The following KLK14 variants were observed in gnomAD, a reference collection of about 807,000 sequenced individuals.
KLK14 encodes kallikrein related peptidase 14.
A neutral mutation model predicts 24.6 loss-of-function variants in KLK14; 21 were observed. The observed-to-expected ratio is 0.85, with a 90% CI of 0.61 to 1.23. KLK14 has a LOEUF of 1.23. KLK14 is among the 50% of genes most tolerant of loss of function. The pLI, the probability that KLK14 is intolerant of heterozygous loss-of-function variation, is 0.00. For missense variants in KLK14, 320 were observed against 338.9 expected, an observed-to-expected ratio of 0.94 and a Z score of 0.44; for synonymous variants, 133 against 139.7, an observed-to-expected ratio of 0.95 and a Z score of 0.34.
Position 51,078,213 on chromosome 19 carries a change from C to A in KLK14, c.604-54G>T, listed in dbSNP as rs2091815600. ...CTGATGGACAGGTAGCCAGAGCCAC[C>A]ATGGCACAGAGAACCCGAGAAGCAG... On this transcript the variant is annotated intron_variant, in intron 5 of 5. Transcript: ENST00000650543. The surrounding 1 kb of genome is among the most constrained non-coding windows in gnomAD (Gnocchi z 5.0). The A allele has an allele frequency of 2.5e-6, 4 of 1,578,858 alleles. No individual in the cohort carries two copies. The highest frequency in any genetic ancestry group is 3.5e-6 in the Non-Finnish European group (4 of 1,158,696).
Position 51,079,673 on chromosome 19 carries a change from T to C in KLK14, c.242A>G (p.Asn81Ser). Reference sequence around the variant, plus strand: ...CTGGGTGGCCTCCCACCTCCTCAGGTTGTGCTTGCCCAGGGCAACCTGAAG... The same window carrying C: ...CTGGGTGGCCTCCCACCTCCTCAGGCTGTGCTTGCCCAGGGCAACCTGAAG... Reference protein sequence around the residue: ...PILQVALGKHNLRRWEATQQV... With the variant: ...PILQVALGKHSLRRWEATQQV... Residue 81 changes from asparagine to serine, a missense_variant, in exon 4 of 6, where the codon AAC (asparagine) becomes AGC (serine). Transcript: ENST00000650543. 6.3e-7 allele frequency: 1 copy of C among 1,576,128 alleles called. No individual in the cohort carries two copies. Among genetic ancestry groups the C allele is most frequent in the Non-Finnish European group, 8.6e-7 (1 of 1,160,634 alleles).
At chr19:51,083,898 C>T (rs147023801), upstream of KLK14, among the ~76,000 whole-genome samples, 3 of 152,002 alleles carry the variant, frequency 2.0e-5, no homozygotes, top group Non-Finnish European at 2.9e-5. Flanking sequence ...GAAGGCAGTG[C>T]GGGCATGAGA....
chr19:51,080,756 C>T (rs1599797716), intron 3 of KLK14, among the ~76,000 whole-genome samples: 1 of 152,304 alleles, frequency 6.6e-6, no homozygotes, highest in African/African-American at 2.4e-5. Context: ...TCACTGCAAC[C>T]TCCGCCTCCC....
intron 3 of KLK14, among the ~76,000 whole-genome samples, chr19:51,080,694 A>G (rs949675316): frequency 6.6e-6 from 1 of 152,070 alleles, no homozygotes; most frequent in African/African-American, 2.4e-5. Context: ...ATTGATTGAT[A>G]TGGAGTTTCG....
rs147546617 is a variant in KLK14, at chr19:51,081,376, C to T, written c.212+156G>A. On this transcript the variant is annotated intron_variant, in intron 3 of 5. Transcript: ENST00000650543. ...GAGATTTATGGAGGAGCCCACATCC[C>T]GAGCTGTGTTTTTGTTCCAGGCTCT... Among the ~76,000 whole-genome samples the T allele has an allele frequency of 4.5e-3, 557 of 124,250 alleles. 1 individual carries two copies. Among genetic ancestry groups the T allele is most frequent in the Non-Finnish European group, 6.3e-3 (380 of 60,100 alleles). The allele number at this position is 124,250 out of a possible 152,430, so 81.5% of individuals were successfully genotyped here.
intron 3 of KLK14, 102 bp downstream of exon 3, chr19:51,081,430 A>G (rs1327957114): frequency 1.8e-6 from 2 of 1,101,014 alleles, no homozygotes; most frequent in Admixed American, 4.0e-5. Context: ...GGAGCCAGCC[A>G]CTACATTGGG....
At position 51,078,366 on chromosome 19, in the gene KLK14, T is replaced by G. The variant is rs2091816574; in HGVS notation, c.604-207A>C. 6.6e-6 allele frequency among the ~76,000 whole-genome samples: 1 copy of G among 152,152 alleles called. No homozygotes were observed. Among genetic ancestry groups the G allele is most frequent in the Non-Finnish European group, 1.5e-5 (1 of 67,988 alleles). Reference sequence around the variant, plus strand: ...CGCTGGGTCTGGCTCTGTCTCTGTGTGCACCTGCCTGTCCCTTGAATCTCA... The same window carrying G: ...CGCTGGGTCTGGCTCTGTCTCTGTGGGCACCTGCCTGTCCCTTGAATCTCA... On this transcript the variant is annotated intron_variant, in intron 5 of 5. Transcript: ENST00000650543. This position sits in a 1 kb window ranked among gnomAD's most constrained non-coding sequence, Gnocchi z 5.0.
At chr19:51,077,673 T>TG (rs1446420702), downstream of KLK14, among the ~76,000 whole-genome samples, 2 of 72,972 alleles carry the variant, frequency 2.7e-5, no homozygotes, top group African/African-American at 5.2e-5. Flanking sequence ...GAGGAGGGGC[T>TG]GGGCCTGGAT....
Position 51,079,634 on chromosome 19 carries a change from ACGCGCAGCAC to A in KLK14, c.271_280del (p.Val91TrpfsTer5). ...GTTGGGGTGCGTCACCTGACGAACC[ACGCGCAGCAC>A]CTGCTGGGTGGCCTCCCACCTCCTC... On this transcript the variant is annotated frameshift_variant, in exon 4 of 6. Coordinates refer to ENST00000650543, the MANE Select transcript of KLK14 (RefSeq NM_001369775.2). LOFTEE classifies it high-confidence loss of function. The A allele has an allele frequency of 6.2e-7, 1 of 1,608,294 alleles. No individual in the cohort carries two copies. The highest frequency in any genetic ancestry group is 8.5e-7 in the Non-Finnish European group (1 of 1,177,332).
chr19:51,079,394 G>A (rs2091824516), intron 4 of KLK14, 55 bp downstream of exon 4: 1 of 1,511,214 alleles, frequency 6.6e-7, no homozygotes. Flanking sequence ...CCACCTCCTG[G>A]AGACCCAGGA....
At chr19:51,082,431 C>T (rs567781182) in intron 2 of KLK14, 144 bp downstream of exon 2, 7 of 708,676 alleles carry the variant, frequency 9.9e-6, no homozygotes, top group South Asian at 1.9e-5. Context: ...GCCTCCAGCA[C>T]GTTCCCCCAC....
intron 3 of KLK14, among the ~76,000 whole-genome samples, chr19:51,079,911 G>A (rs1227926625): frequency 2.6e-5 from 4 of 152,186 alleles, no homozygotes; most frequent in Non-Finnish European, 1.5e-5. Flanking sequence ...CTCTCCTTCC[G>A]CTCTTGGGCT....
Position 51,081,531 on chromosome 19 carries a change from C to T in KLK14, c.212+1G>A, listed in dbSNP as rs755240763. The T allele has an allele frequency of 5.7e-5, 86 of 1,507,754 alleles. 1 individual carries two copies. The highest frequency in any genetic ancestry group is 2.2e-4 in the South Asian group (17 of 78,552). The allele number at this position is 1,507,754 out of a possible 1,614,324, so 93.4% of individuals were successfully genotyped here. A position where few individuals can be genotyped will look rare whatever the true frequency, so the allele number is the denominator to read the frequency against. On this transcript the variant is annotated splice_donor_variant, in intron 3 of 5. Transcript: ENST00000650543. LOFTEE classifies it high-confidence loss of function. ...CAGGGACAGGGGAGGGGGTCACTTA[C>T]GGGCGGCCGCAGTGAGCAGCAGTGA... is the stretch of plus-strand genomic sequence containing the variant.
intron 4 of KLK14, 76 bp downstream of exon 4, chr19:51,079,373 T>TC (rs2091824397): frequency 3.6e-6 from 5 of 1,392,934 alleles, no homozygotes; most frequent in South Asian, 2.8e-5. Flanking sequence ...GGAGCCCCAG[T>TC]CCCCCCAGCT....
chr19:51,081,845 G>A, intron 2 of KLK14, 142 bp from the exon 3 acceptor site: 1 of 733,422 alleles, frequency 1.4e-6, no homozygotes, highest in Non-Finnish European at 2.1e-6. Flanking sequence ...CCCACCCAGG[G>A]TGAGACATGC....
In KLK14 at chr19:51,077,987, C is replaced by A; in HGVS notation, c.*20G>T. 6.2e-7 allele frequency: 1 copy of A among 1,612,404 alleles called. No individual in the cohort carries two copies. The highest frequency in any genetic ancestry group is 2.2e-5 in the East Asian group (1 of 44,870). On this transcript the variant is annotated 3_prime_UTR_variant, in exon 6 of 6. Transcript: ENST00000650543. The stretch of plus-strand genomic sequence containing the variant: ...GGAGGGCCTGGGCAGCTGACGAGGT[C>A]CATCCCACCGTGAAGACCATCATTT...
At chr19:51,082,957 C>T (rs2091850110), upstream of KLK14, 1 of 615,882 alleles carries the variant, frequency 1.6e-6, no homozygotes, top group South Asian at 2.1e-5. Flanking sequence ...CCTCCCGCCG[C>T]CCTGCTTCTG....
Position 51,081,686 on chromosome 19 carries a change from C to T in KLK14, c.58G>A (p.Glu20Lys). The T allele has an allele frequency of 6.5e-7, 1 of 1,548,150 alleles. No individual in the cohort carries two copies. The highest frequency in any genetic ancestry group is 8.7e-7 in the Non-Finnish European group (1 of 1,144,228). ...CCACCAATTATCTTGTTCTCATCCT[C>T]TTGGCTCTGTGTCATGGCTAGGAGT... The part of the protein sequence containing the change: ...VLAIAMTQSQ[E>K]DENKIIGGHT... The change falls in exon 3 of 6, where the codon GAG becomes AAG. Residue 20 changes from glutamate (E) to lysine (K), a missense_variant. Physicochemically the swap from Glu to Lys is moderately conservative, Grantham distance 56 (BLOSUM62 1). Transcript: ENST00000650543.
intron 2 of KLK14, 59 bp downstream of exon 2, chr19:51,082,516 C>G: frequency 6.4e-7 from 1 of 1,553,754 alleles, no homozygotes; most frequent in Non-Finnish European, 8.9e-7. Context: ...GGACCCATCC[C>G]CATCTCTTCT....
Sources: allele counts gnomAD v4.1 joint callset (sites outside exome capture counted in the v4.1 genomes callset), GRCh38; gene constraint gnomAD v4.1.1; non-coding constraint Gnocchi (gnomAD v3.1); transcripts MANE v1.5; gene names NCBI Gene and HGNC (gene_info 2026-07-23, HGNC 2026-07-21).